The following VWDE variants were observed in gnomAD, a reference collection of about 807,000 sequenced individuals.
VWDE encodes the protein von Willebrand factor D and EGF domains, also known as von Willebrand factor D and EGF domain-containing protein.
Under a neutral mutation model 178.4 loss-of-function variants are expected in VWDE, and 207 were observed. The ratio of observed to expected loss-of-function variants is 1.16; its 90% CI spans 1.04 to 1.30. The LOEUF (loss-of-function observed/expected upper bound fraction) is 1.30. Among genes scored for constraint, VWDE ranks in the 50% most tolerant of loss-of-function variants. VWDE has a pLI of 0.00. For missense variants in VWDE, 2,287 were observed against 1,901.3 expected, an observed-to-expected ratio of 1.20 and a Z score of -3.77; for synonymous variants, 738 against 651.4, an observed-to-expected ratio of 1.13 and a Z score of -2.02.
intron 16 of VWDE, among the ~76,000 whole-genome samples, chr7:12,357,883 G>A (rs1782348965): frequency 6.6e-6 from 1 of 152,034 alleles, no homozygotes; most frequent in Non-Finnish European, 1.5e-5. Context: ...TTTGCACTCT[G>A]TTTCTTTAAG....
chr7:12,348,913 C>A (rs1460136798), intron 19 of VWDE, among the ~76,000 whole-genome samples: 1 of 151,826 alleles, frequency 6.6e-6, no homozygotes, highest in Non-Finnish European at 1.5e-5. Context: ...ATGATGAGTT[C>A]ATGTCCTTTG....
At chr7:12,401,577 C>T (rs888624501) in intron 1 of VWDE, among the ~76,000 whole-genome samples, 1 of 152,098 alleles carries the variant, frequency 6.6e-6, no homozygotes, top group Non-Finnish European at 1.5e-5. Flanking sequence ...AAATGACAAT[C>T]AAACTACAAT....
intron 27 of VWDE, among the ~76,000 whole-genome samples, chr7:12,335,313 G>A (rs73290490): frequency 0.019 from 2,839 of 152,072 alleles, 83 homozygotes; most frequent in African/African-American, 0.065. Flanking sequence ...AAAATTGCAT[G>A]AAATTTGATC....
At chr7:12,402,846 C>A (rs1359541706) in intron 1 of VWDE, among the ~76,000 whole-genome samples, 1 of 151,942 alleles carries the variant, frequency 6.6e-6, no homozygotes, top group Non-Finnish European at 1.5e-5. Flanking sequence ...CAAAACTATA[C>A]CCTGGACTGC....
chr7:12,340,493 A>AT (rs1781270636), intron 23 of VWDE, 76 bp from the exon 24 acceptor site: 1 of 970,576 alleles, frequency 1.0e-6, no homozygotes, highest in Non-Finnish European at 1.5e-6. Context: ...GAAGTGCAAA[A>AT]TGGTGCATAA....
intron 1 of VWDE, among the ~76,000 whole-genome samples, chr7:12,401,823 A>G (rs952321525): frequency 6.6e-6 from 1 of 152,162 alleles, no homozygotes; most frequent in African/African-American, 2.4e-5. Flanking sequence ...ACATACATCC[A>G]AACAAAACTT....
chr7:12,358,489 C>A (rs905572919), intron 16 of VWDE, among the ~76,000 whole-genome samples: 45 of 152,056 alleles, frequency 3.0e-4, no homozygotes, highest in African/African-American at 8.7e-4. Flanking sequence ...GTCTACCTTT[C>A]CAGCCCACTG....
At chr7:12,403,186 C>T (rs1784992531) in intron 1 of VWDE, among the ~76,000 whole-genome samples, 1 of 152,016 alleles carries the variant, frequency 6.6e-6, no homozygotes, top group South Asian at 2.1e-4. Flanking sequence ...ATATACAAAA[C>T]TTAACTTGGT....
At chr7:12,357,119 A>G (rs1355593390) in intron 17 of VWDE, 146 bp downstream of exon 17, 3 of 1,058,386 alleles carry the variant, frequency 2.8e-6, no homozygotes, top group Non-Finnish European at 4.0e-6. Context: ...AAGAATAGTC[A>G]AAGTTTCGGC....
At chr7:12,346,333 A>C (rs1781596297) in intron 19 of VWDE, among the ~76,000 whole-genome samples, 1 of 152,170 alleles carries the variant, frequency 6.6e-6, no homozygotes, top group Non-Finnish European at 1.5e-5. Flanking sequence ...GGATAGAGAC[A>C]TGTGAGCCAT....
intron 12 of VWDE, 113 bp downstream of exon 12, chr7:12,369,432 C>G: frequency 7.7e-7 from 1 of 1,306,112 alleles, no homozygotes; most frequent in Non-Finnish European, 1.0e-6. Flanking sequence ...TGGAGGTTTT[C>G]TCTATAAAAT....
At chr7:12,343,038 A>G in intron 22 of VWDE, 45 bp downstream of exon 22, 1 of 1,418,176 alleles carries the variant, frequency 7.1e-7, no homozygotes, top group Non-Finnish European at 9.7e-7. Context: ...CAACTATTCA[A>G]AGAAGCAGTT....
At position 12,343,055 on chromosome 7, in the gene VWDE, T is replaced by C. The variant is rs770883093; in HGVS notation, c.4174+28A>G. On this transcript the variant is annotated intron_variant, in intron 22 of 28. Transcript: ENST00000275358. The stretch of plus-strand genomic sequence containing the variant: ...ACTATTCAAAGAAGCAGTTTCATTA[T>C]ATCAGACATCAGGAGAGCTTTGCTT... 2.9e-4 allele frequency: 436 copies of C among 1,507,684 alleles called. 2 individuals are homozygous for C. Among genetic ancestry groups the C allele is most frequent in the Non-Finnish European group, 5.6e-5 (62 of 1,110,078 alleles). The allele number at this position is 1,507,684 out of a possible 1,614,324, so 93.4% of individuals were successfully genotyped here. A position where few individuals can be genotyped will look rare whatever the true frequency, so the allele number is the denominator to read the frequency against.
At chr7:12,379,290 AC>A (rs1783704439) in intron 6 of VWDE, among the ~76,000 whole-genome samples, 186 bp downstream of exon 6, 1 of 152,230 alleles carries the variant, frequency 6.6e-6, no homozygotes, top group Admixed American at 6.5e-5. Flanking sequence ...ACTTTAGTTA[AC>A]AAGACCCCTC....
chr7:12,347,658 T>G (rs1781680031), intron 19 of VWDE, among the ~76,000 whole-genome samples: 1 of 152,058 alleles, frequency 6.6e-6, no homozygotes, highest in Non-Finnish European at 1.5e-5. Flanking sequence ...CCAAGGTAAT[T>G]TATAGATTCA....
chr7:12,377,736 T>A (rs16877400), intron 7 of VWDE, 40 bp downstream of exon 7: 4 of 1,274,632 alleles, frequency 3.1e-6, no homozygotes, highest in Non-Finnish European at 3.1e-6. Flanking sequence ...CATTATTGTT[T>A]GCAATCTAAT....
chr7:12,333,505 C>T lies in VWDE; in HGVS notation c.4718G>A (p.Arg1573His), dbSNP rs200508473. 4.9e-4 allele frequency: 753 copies of T among 1,550,802 alleles called. No homozygotes were observed. The highest frequency in any genetic ancestry group is 1.7e-3 in the East Asian group (70 of 40,874). ...RCIFPNVCSCRTEYSGVKCEK... is the reference protein window; with the variant it reads ...RCIFPNVCSCHTEYSGVKCEK... Reference sequence around the variant, plus strand: ...ACATTTGACTCCAGAGTATTCAGTGCGGCAGGAACACACATTGGGAAATAT... The same window carrying T: ...ACATTTGACTCCAGAGTATTCAGTGTGGCAGGAACACACATTGGGAAATAT... The change falls in exon 28 of 29, where the codon CGC becomes CAC. Residue 1573 changes from arginine (R) to histidine (H), a missense_variant. Transcript: ENST00000275358.
intron 1 of VWDE, among the ~76,000 whole-genome samples, 178 bp from the exon 2 acceptor site, chr7:12,393,956 C>T (rs1270491904): frequency 6.6e-6 from 1 of 152,156 alleles, no homozygotes; most frequent in Non-Finnish European, 1.5e-5. Flanking sequence ...AACTAACTTG[C>T]ATGTTTCATA....
chr7:12,364,389 G>C (rs1782747491), intron 13 of VWDE, among the ~76,000 whole-genome samples: 1 of 151,938 alleles, frequency 6.6e-6, no homozygotes, highest in Non-Finnish European at 1.5e-5. Context: ...CTAGAGTTGG[G>C]GTAGGAAAAA....
Sources: allele counts gnomAD v4.1 joint callset (sites outside exome capture counted in the v4.1 genomes callset), GRCh38; gene constraint gnomAD v4.1.1; transcripts MANE v1.5; gene names NCBI Gene and HGNC (gene_info 2026-07-23, HGNC 2026-07-21).